Variants in SAP130 observed in about 807,000 individuals in gnomAD.
The protein encoded by SAP130 is histone deacetylase complex subunit SAP130.
In SAP130, 16 loss-of-function variants were observed where a neutral mutation model predicts 103.2. That is an observed-to-expected ratio of 0.16 (90% confidence interval 0.10 to 0.24). The LOEUF is 0.24. Ranked by LOEUF, SAP130 falls within the 10% of genes least tolerant of loss-of-function variation. SAP130 has a pLI of 1.00. For missense variants in SAP130, 990 were observed against 1,359.7 expected, an observed-to-expected ratio of 0.73 and a Z score of 4.28; for synonymous variants, 477 against 497.0, an observed-to-expected ratio of 0.96 and a Z score of 0.53.
At chr2:128,014,935 C>G in intron 4 of SAP130, 21 bp from the exon 5 acceptor site, 1 of 1,596,336 alleles carries the variant, frequency 6.3e-7, no homozygotes, top group Non-Finnish European at 8.6e-7. Context: ...GAGGATAGAA[C>G]GTTATTTTTA....
chr2:127,963,404 A>G (rs1475078200), intron 15 of SAP130, among the ~76,000 whole-genome samples: 2 of 151,894 alleles, frequency 1.3e-5, no homozygotes, highest in African/African-American at 2.4e-5. Flanking sequence ...TCATTTTTGT[A>G]TCTTTTGTAG....
At chr2:128,025,303 T>C (rs1685430213) in intron 2 of SAP130, among the ~76,000 whole-genome samples, 1 of 152,182 alleles carries the variant, frequency 6.6e-6, no homozygotes, top group African/African-American at 2.4e-5. Flanking sequence ...AATAGTACTC[T>C]TTAGTTGTGA....
chr2:128,020,148 T>C (rs529906502), intron 2 of SAP130, among the ~76,000 whole-genome samples: 1 of 152,236 alleles, frequency 6.6e-6, no homozygotes, highest in African/African-American at 2.4e-5. Flanking sequence ...TGGGTTTTTA[T>C]TCATTTGACT....
chr2:127,959,761 T>C (rs959423545), intron 15 of SAP130, among the ~76,000 whole-genome samples: 36 of 152,146 alleles, frequency 2.4e-4, no homozygotes, highest in Non-Finnish European at 1.0e-4. Flanking sequence ...ATATCATAAA[T>C]ATGTGTTAAT....
chr2:128,020,920 C>T (rs1372425678), intron 2 of SAP130, among the ~76,000 whole-genome samples: 3 of 151,974 alleles, frequency 2.0e-5, no homozygotes, highest in African/African-American at 7.3e-5. Flanking sequence ...CACTTGAACC[C>T]AGGAGGCAGA....
intron 15 of SAP130, among the ~76,000 whole-genome samples, chr2:127,971,125 ATT>A (rs1681055857): frequency 6.8e-6 from 1 of 147,816 alleles, no homozygotes; most frequent in Non-Finnish European, 1.5e-5. Flanking sequence ...CAATTTTTTT[ATT>A]TTGTTTTTAG....
intron 2 of SAP130, among the ~76,000 whole-genome samples, chr2:128,019,769 C>G: frequency 6.6e-6 from 1 of 151,888 alleles, no homozygotes; most frequent in East Asian, 1.9e-4. Flanking sequence ...CACCTGTAAT[C>G]CCAGATACTC....
At position 127,941,851 on chromosome 2, in the gene SAP130, C is replaced by T. The variant is rs1573604288; in HGVS notation, c.*155G>A. On this transcript the variant is annotated 3_prime_UTR_variant, in exon 21 of 21. Coordinates refer to ENST00000643581, the MANE Select transcript of SAP130 (RefSeq NM_001330301.2). Reference sequence around the variant, plus strand: ...TGTCCAGTCAGCTCTGATCCTTTCACGCCCTTGGATGTCATGGGTTCCTCT... The same window carrying T: ...TGTCCAGTCAGCTCTGATCCTTTCATGCCCTTGGATGTCATGGGTTCCTCT... 1.6e-5 allele frequency: 11 copies of T among 695,714 alleles called. No homozygotes were observed. The highest frequency in any genetic ancestry group is 2.6e-5 in the East Asian group (1 of 37,764). The allele number at this position is 695,714 out of a possible 1,614,324, so 43.1% of individuals were successfully genotyped here.
At chr2:128,027,593 C>G (rs1012908444) in intron 1 of SAP130, among the ~76,000 whole-genome samples, 8 of 151,418 alleles carry the variant, frequency 5.3e-5, no homozygotes, top group Non-Finnish European at 1.0e-4. Context: ...TCACTTTAAA[C>G]TGCTCCAGGA....
intron 15 of SAP130, among the ~76,000 whole-genome samples, chr2:127,957,534 C>A (rs114330849): frequency 1.3e-5 from 2 of 151,880 alleles, no homozygotes; most frequent in Non-Finnish European, 2.9e-5. Flanking sequence ...ACTAGCTGGG[C>A]GTGGTGGTGT....
intron 14 of SAP130, among the ~76,000 whole-genome samples, chr2:127,984,381 T>C (rs1438203283): frequency 6.6e-6 from 1 of 152,242 alleles, no homozygotes; most frequent in Non-Finnish European, 1.5e-5. Flanking sequence ...CATGTATTTA[T>C]TGTGGTTTCT....
At chr2:127,954,401 A>G (rs1258222282) in intron 16 of SAP130, among the ~76,000 whole-genome samples, 1 of 152,142 alleles carries the variant, frequency 6.6e-6, no homozygotes, top group Non-Finnish European at 1.5e-5. Context: ...TGTATACTGA[A>G]TATGTTACTT....
At chr2:127,999,940 AGAG>A in intron 9 of SAP130, 95 bp from the exon 10 acceptor site, 1 of 1,441,420 alleles carries the variant, frequency 6.9e-7, no homozygotes, top group Non-Finnish European at 9.6e-7. Flanking sequence ...GAAAAAGTTA[AGAG>A]AATTTTTCTA....
At chr2:128,003,027 C>T (rs1048579114) in intron 7 of SAP130, among the ~76,000 whole-genome samples, 5 of 151,562 alleles carry the variant, frequency 3.3e-5, no homozygotes, top group African/African-American at 9.7e-5. Context: ...CTTGGGAGGC[C>T]GAAGTGGGAG....
intron 15 of SAP130, among the ~76,000 whole-genome samples, chr2:127,964,644 C>G (rs1220854350): frequency 6.7e-6 from 1 of 149,680 alleles, no homozygotes; most frequent in Non-Finnish European, 1.5e-5. Context: ...AACTAGAAAA[C>G]AAACAAAAAA....
At chr2:127,974,003 T>C (rs1681276967) in intron 15 of SAP130, among the ~76,000 whole-genome samples, 1 of 152,102 alleles carries the variant, frequency 6.6e-6, no homozygotes. Context: ...ATTGCACCAC[T>C]ACACTCCAGC....
chr2:127,945,632 T>A, intron 18 of SAP130, 73 bp from the exon 19 acceptor site: 1 of 877,110 alleles, frequency 1.1e-6, no homozygotes, highest in Non-Finnish European at 1.9e-6. Context: ...TCGAGCAGTG[T>A]AAATGCCATT....
chr2:127,942,182 G>T lies in SAP130; in HGVS notation c.3016-18C>A, dbSNP rs191853862. On this transcript the variant is annotated intron_variant, in intron 20 of 20. Transcript: ENST00000643581. The surrounding 1 kb of genome is among the most constrained non-coding windows in gnomAD (Gnocchi z 4.8). ...ATATTTCCCTGAAACAGAAGACATTGCATCATCAATCAGTGACCATGAGGA... is the reference window on the plus strand; with the variant it reads ...ATATTTCCCTGAAACAGAAGACATTTCATCATCAATCAGTGACCATGAGGA... 1.8e-5 allele frequency: 28 copies of T among 1,574,172 alleles called. No homozygotes were observed. In the East Asian group the frequency reaches 4.5e-4, roughly 25 times the overall value.
At chr2:127,987,234 G>A (rs1373652332) in intron 13 of SAP130, among the ~76,000 whole-genome samples, 2 of 152,144 alleles carry the variant, frequency 1.3e-5, no homozygotes, top group African/African-American at 4.8e-5. Context: ...GCCCAGGCTG[G>A]AATACAGTGG....
Sources: gnomAD v4.1 joint callset for allele counts (sites outside exome capture counted in the v4.1 genomes callset) on GRCh38, gnomAD v4.1.1 for gene constraint, Gnocchi (gnomAD v3.1) non-coding constraint, MANE v1.5 for transcripts, NCBI Gene and HGNC (gene_info 2026-07-23, HGNC 2026-07-21) for gene names.